The following IGF2BP2 variants were observed in gnomAD, a reference collection of about 807,000 sequenced individuals.
IGF2BP2 encodes the protein insulin-like growth factor 2 mRNA-binding protein 2.
A neutral mutation model predicts 75.8 loss-of-function variants in IGF2BP2; 17 were observed. That is an observed-to-expected ratio of 0.22 (90% confidence interval 0.15 to 0.34). The LOEUF (loss-of-function observed/expected upper bound fraction) is 0.34. IGF2BP2 is among the 10% of genes least tolerant of loss of function. IGF2BP2 has a pLI of 1.00. For missense variants in IGF2BP2, 516 were observed against 772.4 expected (o/e 0.67, Z 3.93); for synonymous variants, 288 against 295.6 (o/e 0.97, Z 0.26).
chr3:185,752,961 T>C (rs745453757), intron 2 of IGF2BP2, among the ~76,000 whole-genome samples: 61 of 152,186 alleles, frequency 4.0e-4, no homozygotes, highest in Non-Finnish European at 2.2e-4. Flanking sequence ...ATTTACTATG[T>C]TTTCATTCAC....
intron 15 of IGF2BP2, among the ~76,000 whole-genome samples, chr3:185,646,177 G>A (rs1713499487): frequency 6.6e-6 from 1 of 152,178 alleles, no homozygotes; most frequent in Non-Finnish European, 1.5e-5. Flanking sequence ...CCAGGGCCCT[G>A]AGGAGCTGAG....
At chr3:185,665,329 GAGGAGGAGGAGGAGA>G (rs1306464134) in intron 10 of IGF2BP2, among the ~76,000 whole-genome samples, 92 of 90,532 alleles carry the variant, frequency 1.0e-3, no homozygotes, top group Non-Finnish European at 1.6e-3. Context: ...GAAGGAGGAG[GAGGAGGAGGAGGAGA>G]AGGAGGAGGA....
At chr3:185,727,088 G>A (rs1394559687) in intron 2 of IGF2BP2, among the ~76,000 whole-genome samples, 1 of 151,956 alleles carries the variant, frequency 6.6e-6, no homozygotes, top group African/African-American at 2.4e-5. Context: ...TGTGGTGGCA[G>A]GCACCTGTAA....
intron 2 of IGF2BP2, among the ~76,000 whole-genome samples, chr3:185,770,561 C>G (rs973795004): frequency 6.6e-6 from 1 of 152,206 alleles, no homozygotes; most frequent in African/African-American, 2.4e-5. Flanking sequence ...CCTGTGTAAT[C>G]TGGAAAATTG....
chr3:185,818,932 C>G (rs1253880470), intron 2 of IGF2BP2, among the ~76,000 whole-genome samples: 1 of 151,790 alleles, frequency 6.6e-6, no homozygotes, highest in Non-Finnish European at 1.5e-5. Flanking sequence ...TGTGTTTACT[C>G]AAAATAATTG....
At chr3:185,714,487 C>T (rs1725298146) in intron 2 of IGF2BP2, among the ~76,000 whole-genome samples, 1 of 152,170 alleles carries the variant, frequency 6.6e-6, no homozygotes, top group African/African-American at 2.4e-5. Flanking sequence ...TTGGGCTGTG[C>T]ATTTGTAACA....
At chr3:185,742,014 T>C (rs1030889437) in intron 2 of IGF2BP2, among the ~76,000 whole-genome samples, 5 of 152,188 alleles carry the variant, frequency 3.3e-5, no homozygotes, top group African/African-American at 9.7e-5. Flanking sequence ...AGATAATTCA[T>C]AGTTTCTTTT....
intron 2 of IGF2BP2, among the ~76,000 whole-genome samples, chr3:185,702,895 A>G (rs1244499027): frequency 1.3e-5 from 2 of 152,214 alleles, no homozygotes; most frequent in Admixed American, 6.5e-5. Flanking sequence ...CTTCATTTTA[A>G]CTGGAAGCAG....
intron 2 of IGF2BP2, among the ~76,000 whole-genome samples, chr3:185,788,215 T>C (rs11716491): frequency 0.29 from 44,250 of 152,138 alleles, 6,787 homozygotes; most frequent in African/African-American, 0.39. Context: ...AGGATCCCTG[T>C]CATCTCTAAA....
At chr3:185,745,505 C>CA (rs1730138905) in intron 2 of IGF2BP2, among the ~76,000 whole-genome samples, 2 of 152,166 alleles carry the variant, frequency 1.3e-5, no homozygotes. Context: ...TTCCCACCCC[C>CA]AGAGGTGGCT....
intron 2 of IGF2BP2, among the ~76,000 whole-genome samples, chr3:185,718,955 T>C (rs1398708204): frequency 6.6e-6 from 1 of 152,144 alleles, no homozygotes; most frequent in Non-Finnish European, 1.5e-5. Flanking sequence ...GACCACATTC[T>C]TGGGAAGCCA....
In IGF2BP2 at chr3:185,774,377, C is replaced by T. The variant is rs182279666; in HGVS notation, c.239+48776G>A. Among the ~76,000 whole-genome samples the T allele has an allele frequency of 4.3e-3, 659 of 152,124 alleles. 6 individuals carry two copies. Among genetic ancestry groups the T allele is most frequent in the African/African-American group, 0.015 (635 of 41,486 alleles). ...TTGGGAGGCCGAGGTGGGCGGATCA[C>T]GAGGTCAGGAGATAGAGACCATCTT... On this transcript the variant is annotated intron_variant, in intron 2 of 15. Coordinates refer to ENST00000382199, the MANE Select transcript of IGF2BP2 (RefSeq NM_006548.6).
At chr3:185,796,338 G>A (rs1737376535) in intron 2 of IGF2BP2, among the ~76,000 whole-genome samples, 2 of 151,942 alleles carry the variant, frequency 1.3e-5, no homozygotes, top group African/African-American at 2.4e-5. Flanking sequence ...CGAGGAGGGC[G>A]GATCACTTGA....
chr3:185,790,995 A>G (rs943525994), intron 2 of IGF2BP2, among the ~76,000 whole-genome samples: 8 of 152,216 alleles, frequency 5.3e-5, no homozygotes, highest in Admixed American at 1.3e-4. Context: ...GGAAAGAAAA[A>G]GATATTCTGC....
chr3:185,705,703 C>T (rs1302014200), intron 2 of IGF2BP2, among the ~76,000 whole-genome samples: 1 of 152,172 alleles, frequency 6.6e-6, no homozygotes, highest in Non-Finnish European at 1.5e-5. Context: ...AAGGCACCAG[C>T]AGATTTGCTG....
intron 7 of IGF2BP2, among the ~76,000 whole-genome samples, chr3:185,685,707 G>C (rs1241001687): frequency 6.6e-6 from 1 of 152,142 alleles, no homozygotes; most frequent in Non-Finnish European, 1.5e-5. Context: ...GGAGTGTGGT[G>C]ATGCAATCAT....
rs1481117734 is a variant in IGF2BP2 at position 185,643,226 on chromosome 3, G to T, written c.*2305C>A. ...CTGAGGTATGCCTGCACTTACTAGT[G>T]AGCTTCCCGTGGAGGCGTGAAGTGC... On this transcript the variant is annotated 3_prime_UTR_variant, in exon 16 of 16. Transcript: ENST00000382199. Among the ~76,000 whole-genome samples the T allele has an allele frequency of 6.6e-6, 1 of 152,172 alleles. No individual in the cohort carries two copies. The highest frequency in any genetic ancestry group is 1.5e-5 in the Non-Finnish European group (1 of 68,034).
intron 2 of IGF2BP2, among the ~76,000 whole-genome samples, chr3:185,743,889 G>A (rs978244865): frequency 2.0e-5 from 3 of 152,104 alleles, no homozygotes; most frequent in South Asian, 2.1e-4. Flanking sequence ...AAGGTAATCC[G>A]CACAAAATGT....
intron 2 of IGF2BP2, among the ~76,000 whole-genome samples, chr3:185,735,158 T>A (rs966165791): frequency 6.6e-6 from 1 of 151,978 alleles, no homozygotes; most frequent in Non-Finnish European, 1.5e-5. Flanking sequence ...TTTTTTTTTT[T>A]TTTTTGAGAC....
Sources: allele counts gnomAD v4.1 joint callset (sites outside exome capture counted in the v4.1 genomes callset), GRCh38; gene constraint gnomAD v4.1.1; transcripts MANE v1.5; gene names NCBI Gene and HGNC (gene_info 2026-07-23, HGNC 2026-07-21).